Variants in SWT1 observed in about 807,000 individuals in gnomAD.
The protein encoded by SWT1 is transcriptional protein SWT1.
SWT1 carries 33 observed loss-of-function variants against 107.3 expected under a neutral mutation model. That is an observed-to-expected ratio of 0.31 (90% confidence interval 0.23 to 0.41). The LOEUF (loss-of-function observed/expected upper bound fraction) is 0.41, where lower values mean the gene tolerates loss of function less well. Ranked by LOEUF, SWT1 falls within the 10% of genes least tolerant of loss-of-function variation. The pLI, the probability that SWT1 is intolerant of heterozygous loss-of-function variation, is 1.00. For missense variants in SWT1, 898 were observed against 1,028.9 expected (o/e 0.87, Z 1.74); for synonymous variants, 345 against 348.3 (o/e 0.99, Z 0.11).
At chr1:185,236,152 C>G (rs552080940) in intron 16 of SWT1, among the ~76,000 whole-genome samples, 1 of 152,146 alleles carries the variant, frequency 6.6e-6, no homozygotes, top group Non-Finnish European at 1.5e-5. Flanking sequence ...ACTGCTATTC[C>G]GATCAAGCTA....
chr1:185,251,968 C>A (rs970028900), intron 16 of SWT1, among the ~76,000 whole-genome samples: 4 of 151,742 alleles, frequency 2.6e-5, no homozygotes, highest in African/African-American at 9.7e-5. Context: ...CAACAGTCCC[C>A]AGAGTGTGAT....
At chr1:185,252,417 A>G (rs1425130925) in intron 16 of SWT1, among the ~76,000 whole-genome samples, 3 of 152,226 alleles carry the variant, frequency 2.0e-5, no homozygotes, top group Non-Finnish European at 2.9e-5. Flanking sequence ...AAGTGTTCCT[A>G]TTTCTCCACA....
At chr1:185,190,388 T>C (rs558640629) in intron 9 of SWT1, among the ~76,000 whole-genome samples, 161 bp from the exon 10 acceptor site, 1 of 152,224 alleles carries the variant, frequency 6.6e-6, no homozygotes, top group Non-Finnish European at 1.5e-5. Context: ...CTCTGTGGAT[T>C]TGGACAAATG....
chr1:185,194,138 A>T (rs1380197226), intron 10 of SWT1, among the ~76,000 whole-genome samples: 2 of 152,036 alleles, frequency 1.3e-5, no homozygotes, highest in Non-Finnish European at 2.9e-5. Context: ...TATGTGGTGT[A>T]TCTTTTTGTA....
At chr1:185,164,189 T>A (rs1225036589) in intron 2 of SWT1, among the ~76,000 whole-genome samples, 1 of 151,604 alleles carries the variant, frequency 6.6e-6, no homozygotes, top group East Asian at 1.9e-4. Context: ...TTTTTTTTTC[T>A]GAACAGTAGG....
rs180943097 is a variant in SWT1, at chr1:185,289,782, T to C, written c.2574-892T>C. ...AGATACCCACATGTTCTCACTGATA[T>C]GTGGAATCTAAAAAAGTATGAGTAG... On this transcript the variant is annotated intron_variant, in intron 18 of 18. Coordinates refer to ENST00000367500, the MANE Select transcript of SWT1 (RefSeq NM_017673.7). Among the ~76,000 whole-genome samples the C allele has an allele frequency of 1.4e-3, 210 of 152,186 alleles. 2 individuals are homozygous for C. The Middle Eastern group carries it at 0.017, about 12-fold the overall frequency.
chr1:185,227,526 T>C, intron 15 of SWT1: 3 of 536,856 alleles, frequency 5.6e-6, no homozygotes, highest in South Asian at 5.0e-5. Flanking sequence ...AAATGATATC[T>C]CTGTTTGTTA....
At chr1:185,257,842 G>T (rs1428602540) in intron 16 of SWT1, 2 of 152,120 alleles carry the variant, frequency 1.3e-5, no homozygotes, top group Non-Finnish European at 2.9e-5. Context: ...TTGGTATATT[G>T]TATTTGGACT....
chr1:185,194,546 A>G (rs777457166), intron 10 of SWT1, among the ~76,000 whole-genome samples: 1 of 151,518 alleles, frequency 6.6e-6, no homozygotes. Context: ...TGTTGTATAT[A>G]TTGTCCCATA....
At chr1:185,186,216 T>G (rs1656451392) in intron 9 of SWT1, among the ~76,000 whole-genome samples, 1 of 152,208 alleles carries the variant, frequency 6.6e-6, no homozygotes. Context: ...TTATGCAGAT[T>G]GATAAGACTC....
At position 185,257,535 on chromosome 1, in the gene SWT1, C is replaced by T. The variant is rs565243689; in HGVS notation, c.2442-13788C>T. 3.9e-5 allele frequency among the ~76,000 whole-genome samples: 6 copies of T among 152,210 alleles called. No individual in the cohort carries two copies. In the South Asian group the frequency reaches 1.0e-3, roughly 26 times the overall value. The stretch of plus-strand genomic sequence containing the variant: ...AAGCGCAGTATTCGGGTGGGAGTGA[C>T]CCGATTTTCCAGGCGCGTCTGTCAC... On this transcript the variant is annotated intron_variant, in intron 16 of 18. Transcript: ENST00000367500.
Position 185,174,491 on chromosome 1 carries a change from C to T in SWT1, c.344C>T (p.Pro115Leu). 1.2e-6 allele frequency: 2 copies of T among 1,611,046 alleles called. No homozygotes were observed. The highest frequency in any genetic ancestry group is 1.7e-5 in the Admixed American group (1 of 59,346). ...GATAATCAAATTATTTTGCAGAGTC[C>T]TTCTTCAAATGGAACTAAAAAAGAC... ...SNDNQIILQS[P>L]SSNGTKKDIH... The change falls in exon 5 of 19, where the codon CCT becomes CTT. Residue 115 changes from proline (P) to leucine (L), a missense_variant. Transcript: ENST00000367500.
At chr1:185,157,363 G>C (rs1653678476) in intron 1 of SWT1, 49 bp downstream of exon 1, 1 of 152,518 alleles carries the variant, frequency 6.6e-6, no homozygotes, top group Non-Finnish European at 1.5e-5. Context: ...GTTCCCCCTC[G>C]TCCCCCGCCC....
intron 13 of SWT1, among the ~76,000 whole-genome samples, chr1:185,207,810 A>G (rs1297362299): frequency 2.0e-5 from 3 of 152,156 alleles, no homozygotes; most frequent in East Asian, 1.9e-4. Context: ...CTGAGGTGGG[A>G]GGATCATCTG....
At chr1:185,181,253 GC>G (rs1655996970) in intron 6 of SWT1, among the ~76,000 whole-genome samples, 1 of 152,198 alleles carries the variant, frequency 6.6e-6, no homozygotes. Flanking sequence ...GGCTGACAGA[GC>G]AAGACTGTGT....
At chr1:185,180,742 T>G (rs1225689428) in intron 6 of SWT1, among the ~76,000 whole-genome samples, 1 of 152,224 alleles carries the variant, frequency 6.6e-6, no homozygotes, top group Non-Finnish European at 1.5e-5. Flanking sequence ...TTTCCCTGTT[T>G]ATGCCTAGGG....
chr1:185,243,052 A>G (rs1661354475), intron 16 of SWT1, among the ~76,000 whole-genome samples: 1 of 152,182 alleles, frequency 6.6e-6, no homozygotes, highest in Admixed American at 6.5e-5. Context: ...CAAAGCAGTT[A>G]TATAAAAGGC....
At chr1:185,220,571 G>A (rs1365161432) in intron 14 of SWT1, among the ~76,000 whole-genome samples, 2 of 151,982 alleles carry the variant, frequency 1.3e-5, no homozygotes, top group Non-Finnish European at 2.9e-5. Context: ...GTCTCCATGA[G>A]AATGATTCTT....
At chr1:185,223,504 T>C (rs1446398722) in intron 15 of SWT1, among the ~76,000 whole-genome samples, 3 of 152,274 alleles carry the variant, frequency 2.0e-5, no homozygotes, top group African/African-American at 4.8e-5. Flanking sequence ...TTTCTGATAA[T>C]AGCCACTCTA....
Sources: allele counts gnomAD v4.1 joint callset (sites outside exome capture counted in the v4.1 genomes callset), GRCh38; gene constraint gnomAD v4.1.1; transcripts MANE v1.5; gene names NCBI Gene and HGNC (gene_info 2026-07-23, HGNC 2026-07-21).